The following ZFHX3 variants were observed in gnomAD, a reference collection of about 807,000 sequenced individuals.
ZFHX3 encodes zinc finger homeobox protein 3.
A neutral mutation model predicts 279.1 loss-of-function variants in ZFHX3; 42 were observed. The observed-to-expected ratio is 0.15, with a 90% CI of 0.12 to 0.19. The LOEUF (loss-of-function observed/expected upper bound fraction) is 0.19. Ranked by LOEUF, ZFHX3 falls within the 10% of genes least tolerant of loss-of-function variation. ZFHX3 has a pLI of 1.00. For synonymous variants in ZFHX3, 2,293 were observed against 1,957.8 expected, an observed-to-expected ratio of 1.17 and a Z score of -4.52; for missense variants, 4,981 against 4,754.0, an observed-to-expected ratio of 1.05 and a Z score of -1.40.
chr16:73,205,066 T>C (rs1161510035), intron 5 of ZFHX3, among the ~76,000 whole-genome samples: 1 of 152,142 alleles, frequency 6.6e-6, no homozygotes, highest in Admixed American at 6.5e-5. Context: ...GCAAGTGGAA[T>C]AACGAGTGTG....
intron 1 of ZFHX3, among the ~76,000 whole-genome samples, chr16:73,867,983 G>T (rs767025423): frequency 2.0e-5 from 3 of 152,184 alleles, no homozygotes; most frequent in African/African-American, 7.2e-5. Context: ...TCTCCCTAGC[G>T]CTGGGTGCCA....
chr16:72,811,969 C>A lies in ZFHX3; in HGVS notation c.3599G>T (p.Gly1200Val), dbSNP rs1295305298. The change falls in exon 6 of 10, where the codon GGT (glycine) becomes GTT (valine). Residue 1200 changes from glycine (G) to valine (V), a missense_variant. Transcript: ENST00000268489. ...PATSKRISFP[G>V]SSESPLSSKR... The stretch of plus-strand genomic sequence containing the variant: ...CGAAGAGAGGGGAGACTCTGAGCTA[C>A]CTGGGAAGGAGATGCGTTTGGAGGT... 3 of 1,614,148 alleles carry A rather than the reference C, an allele frequency of 1.9e-6. No individual in the cohort carries two copies. Among genetic ancestry groups the A allele is most frequent in the Middle Eastern group, 1.7e-4 (1 of 6,060 alleles).
intron 7 of ZFHX3, among the ~76,000 whole-genome samples, chr16:73,102,239 C>T (rs986857158): frequency 6.6e-6 from 1 of 152,126 alleles, no homozygotes; most frequent in African/African-American, 2.4e-5. Context: ...ATTGCTCTTG[C>T]AGATGAAGAA....
chr16:72,884,541 T>C (rs2038574739), intron 4 of ZFHX3, among the ~76,000 whole-genome samples: 2 of 152,334 alleles, frequency 1.3e-5, no homozygotes, highest in South Asian at 4.1e-4. Flanking sequence ...AAAGAATTGT[T>C]GAACTTTAAT....
chr16:73,250,983 T>G (rs924255012), intron 5 of ZFHX3, among the ~76,000 whole-genome samples: 7 of 152,212 alleles, frequency 4.6e-5, no homozygotes, highest in African/African-American at 1.7e-4. Context: ...TCATCTGCAA[T>G]CTGAGTCATG....
intron 1 of ZFHX3, among the ~76,000 whole-genome samples, chr16:73,740,885 G>T (rs1347081849): frequency 5.9e-5 from 9 of 152,172 alleles, no homozygotes; most frequent in African/African-American, 1.9e-4. Context: ...TCACTTGAGG[G>T]ACACCCTGAG....
chr16:73,554,245 C>A lies in ZFHX3; in HGVS notation c.-1546-97987G>T, dbSNP rs368583804. On this transcript the variant is annotated intron_variant, in intron 2 of 17. Coordinates refer to the ZFHX3 transcript ENST00000641206. ...GCAAAGTAAAAATAAAAAGATAGAACGATTTTTTTTTCTTTTCCTTGTACA... is the reference window on the plus strand; with the variant it reads ...GCAAAGTAAAAATAAAAAGATAGAAAGATTTTTTTTTCTTTTCCTTGTACA... 6.6e-5 allele frequency: 10 copies of A among 152,164 alleles called. No individual in the cohort carries two copies. In the East Asian group the frequency reaches 1.7e-3, roughly 26 times the overall value. The allele number at this position is 152,164 out of a possible 1,614,324, so 9.4% of individuals were successfully genotyped here.
At chr16:73,874,665 T>C (rs2029895301) in intron 1 of ZFHX3, among the ~76,000 whole-genome samples, 1 of 152,234 alleles carries the variant, frequency 6.6e-6, no homozygotes, top group African/African-American at 2.4e-5. Flanking sequence ...AACCTTTGTA[T>C]ATTTGACTTA....
intron 2 of ZFHX3, among the ~76,000 whole-genome samples, chr16:73,525,625 C>A (rs2019677939): frequency 6.6e-6 from 1 of 152,066 alleles, no homozygotes; most frequent in African/African-American, 2.4e-5. Flanking sequence ...CCCAAGATAC[C>A]ACTAAGTCTA....
intron 3 of ZFHX3, among the ~76,000 whole-genome samples, chr16:72,933,201 G>C (rs923407814): frequency 6.6e-6 from 1 of 152,104 alleles, no homozygotes; most frequent in Non-Finnish European, 1.5e-5. Context: ...TAGCTTGAGC[G>C]CTCTTAACCA....
At chr16:73,484,226 T>C (rs1324337971) in intron 2 of ZFHX3, among the ~76,000 whole-genome samples, 2 of 152,088 alleles carry the variant, frequency 1.3e-5, no homozygotes, top group Non-Finnish European at 2.9e-5. Context: ...AAGCATCTTC[T>C]CCGTATTGTA....
At chr16:73,127,115 C>A in intron 7 of ZFHX3, 1 of 295,576 alleles carries the variant, frequency 3.4e-6, no homozygotes, top group Non-Finnish European at 6.6e-6. Flanking sequence ...AATGAATTAG[C>A]CTGAAGTAAA....
chr16:73,582,733 T>C (rs1220290220), intron 2 of ZFHX3, among the ~76,000 whole-genome samples: 4 of 151,958 alleles, frequency 2.6e-5, no homozygotes, highest in African/African-American at 7.3e-5. Flanking sequence ...CACCTTGGCC[T>C]CTCAAAGTGC....
chr16:72,904,778 G>A (rs531873877), intron 3 of ZFHX3, among the ~76,000 whole-genome samples: 4 of 152,026 alleles, frequency 2.6e-5, no homozygotes, highest in Non-Finnish European at 4.4e-5. Context: ...TTGCCTGTGG[G>A]GGGGGTCCCA....
At position 72,956,369 on chromosome 16, in the gene ZFHX3, G is replaced by A. The variant is rs76340457; in HGVS notation, c.2719+1058C>T. 8.6e-3 allele frequency among the ~76,000 whole-genome samples: 1,304 copies of A among 152,296 alleles called. 32 individuals carry two copies. The highest frequency in any genetic ancestry group is 0.03 in the East Asian group (156 of 5,188). Reference sequence around the variant, plus strand: ...TGGTCCCACGAAGTCCATTAGCAGCGTCACGGGATGGGACGCAGGCAGGAT... The same window carrying A: ...TGGTCCCACGAAGTCCATTAGCAGCATCACGGGATGGGACGCAGGCAGGAT... On this transcript the variant is annotated intron_variant, in intron 2 of 9. Coordinates refer to ENST00000268489, the MANE Select transcript of ZFHX3 (RefSeq NM_006885.4).
At chr16:73,598,370 C>T (rs1174589971) in intron 2 of ZFHX3, among the ~76,000 whole-genome samples, 1 of 151,932 alleles carries the variant, frequency 6.6e-6, no homozygotes, top group African/African-American at 2.4e-5. Context: ...TTTTGTAGGC[C>T]AAGAGTAGGC....
chr16:73,861,322 A>G (rs1961877011), intron 1 of ZFHX3, among the ~76,000 whole-genome samples: 1 of 152,154 alleles, frequency 6.6e-6, no homozygotes, highest in African/African-American at 2.4e-5. Context: ...TGTCTGCTTA[A>G]CCATTGAGAT....
rs145755489 is a variant in ZFHX3 at position 73,415,853 on chromosome 16, C to A, written c.-1291+40150G>T. Among the ~76,000 whole-genome samples the A allele has an allele frequency of 1.8e-4, 27 of 152,268 alleles. No homozygotes were observed. In the East Asian group the frequency reaches 4.6e-3, roughly 26 times the overall value. On this transcript the variant is annotated intron_variant, in intron 3 of 17. Coordinates refer to the ZFHX3 transcript ENST00000641206. The stretch of plus-strand genomic sequence containing the variant: ...GAGAAAATGGGGCTGGGCACAGTGG[C>A]TCATGCCTGTAATCCCAGCACTTTG...
At chr16:73,160,015 G>C (rs1271107990) in intron 5 of ZFHX3, among the ~76,000 whole-genome samples, 2 of 152,088 alleles carry the variant, frequency 1.3e-5, no homozygotes, top group Non-Finnish European at 2.9e-5. Context: ...CGCCTGTCTT[G>C]GCCTCCTAAA....
Sources: allele counts gnomAD v4.1 joint callset (sites outside exome capture counted in the v4.1 genomes callset), GRCh38; gene constraint gnomAD v4.1.1; transcripts MANE v1.5; gene names NCBI Gene and HGNC (gene_info 2026-07-23, HGNC 2026-07-21).